Variants in MED13 observed in about 807,000 individuals in gnomAD.
MED13 encodes the protein mediator complex subunit 13.
Under a neutral mutation model 225.2 loss-of-function variants are expected in MED13, and 23 were observed. The ratio of observed to expected loss-of-function variants is 0.10; its 90% CI spans 0.07 to 0.14. MED13 has a LOEUF of 0.14. Ranked by LOEUF, MED13 falls within the 10% of genes least tolerant of loss-of-function variation. The probability of loss-of-function intolerance (pLI) is 1.00; values close to 1 mark genes in which losing one functional copy is unlikely to be tolerated. For missense variants in MED13, 2,197 were observed against 2,594.5 expected (o/e 0.85, Z 3.33); for synonymous variants, 942 against 889.2 (o/e 1.06, Z -1.06).
intron 26 of MED13, among the ~76,000 whole-genome samples, chr17:61,955,027 T>C (rs1430193874): frequency 6.6e-6 from 1 of 152,210 alleles, no homozygotes; most frequent in African/African-American, 2.4e-5. Flanking sequence ...TCCTTGTCTT[T>C]TTCAGAGTCT....
chr17:61,972,067 G>A (rs542911756), intron 17 of MED13, among the ~76,000 whole-genome samples: 1 of 152,070 alleles, frequency 6.6e-6, no homozygotes, highest in Non-Finnish European at 1.5e-5. Context: ...GGAAAATATA[G>A]GCAAATCTAC....
At chr17:61,981,008 G>C (rs527825737) in intron 16 of MED13, among the ~76,000 whole-genome samples, 1 of 149,356 alleles carries the variant, frequency 6.7e-6, no homozygotes, top group African/African-American at 2.5e-5. Flanking sequence ...AGACGCATGA[G>C]CCACCGCACC....
At chr17:61,950,780 C>T (rs771713911) in intron 28 of MED13, 45 bp downstream of exon 28, 20 of 1,561,424 alleles carry the variant, frequency 1.3e-5, no homozygotes, top group Non-Finnish European at 1.7e-5. Flanking sequence ...AGGACTTAGG[C>T]TGTCAATCAG....
chr17:61,972,581 G>A, intron 17 of MED13, 146 bp downstream of exon 17: 1 of 720,272 alleles, frequency 1.4e-6, no homozygotes, highest in Non-Finnish European at 2.2e-6. Context: ...GAAATGGTGG[G>A]AAAAAAAGCT....
At chr17:62,057,116 G>T (rs1233549626) in intron 2 of MED13, among the ~76,000 whole-genome samples, 1 of 152,044 alleles carries the variant, frequency 6.6e-6, no homozygotes, top group Non-Finnish European at 1.5e-5. Flanking sequence ...GGTAAAAAAT[G>T]AATCTTCTCC....
rs370192474 is a variant in MED13 at position 61,984,864 on chromosome 17, G to A, written c.2478C>T (p.Ser826=). ...TGNLDPLSCI[S]TADLHKMYPT... ...GATACATTTTATGAAGATCTGCAGT[G>A]CCTATATTTAATAAAAACATACATT... The change falls in exon 14 of 30, where the codon AGC becomes AGT. Residue 826 remains serine (S), a splice_region_variant and synonymous_variant. Transcript: ENST00000397786. 3.1e-6 allele frequency: 5 copies of A among 1,602,630 alleles called. No individual in the cohort carries two copies. The highest frequency in any genetic ancestry group is 1.7e-5 in the Admixed American group (1 of 58,190).
rs765499497 is a variant in MED13 at position 61,985,036 on chromosome 17, A to C, written c.2440T>G (p.Ser814Ala). 6.2e-7 allele frequency: 1 copy of C among 1,614,046 alleles called. No individual in the cohort carries two copies. The highest frequency in any genetic ancestry group is 2.2e-5 in the East Asian group (1 of 44,852). The part of the protein sequence containing the change: ...GSDDKASCKE[S>A]KTGNLDPLSC... Reference sequence around the variant, plus strand: ...AACGGGTCCAGATTTCCTGTCTTTGATTCCTTGCAGCTGGCTTTATCATCT... The same window carrying C: ...AACGGGTCCAGATTTCCTGTCTTTGCTTCCTTGCAGCTGGCTTTATCATCT... Residue 814 changes from serine (S) to alanine (A), a missense_variant, in exon 13 of 30, where the codon TCA becomes GCA. Around this residue, in one of 12 missense-constraint regions of MED13, gnomAD observed 41 missense variants for 55.8 expected, o/e 0.73. Coordinates refer to ENST00000397786, the MANE Select transcript of MED13 (RefSeq NM_005121.3).
rs1452173395 is a variant in MED13, at chr17:61,966,795, T to TAGA, written c.4192-147_4192-145dup. 1.2e-5 allele frequency: 6 copies of TAGA among 510,950 alleles called. No homozygotes were observed. The East Asian group carries it at 2.0e-4, about 17-fold the overall frequency. 31.7% of individuals were successfully genotyped at this position (510,950 alleles called of 1,614,324 possible). ...ATGATAAAAATATCAAGGGTGTTTT[T>TAGA]AGAAGTAGGCCAAAAAAATAAACAT... On this transcript the variant is annotated intron_variant, in intron 18 of 29. Transcript: ENST00000397786.
At chr17:61,982,172 A>C (rs374444063) in intron 16 of MED13, 26 bp downstream of exon 16, 2 of 1,566,686 alleles carry the variant, frequency 1.3e-6, no homozygotes, top group African/African-American at 2.7e-5. Context: ...AAGCAAACAA[A>C]AAAGTATTTT....
In MED13 at chr17:62,049,078, C is replaced by CAAAAAAAAAAA. The variant is rs890393330; in HGVS notation, c.470+3448_470+3458dup. 5.6e-3 allele frequency among the ~76,000 whole-genome samples: 255 copies of CAAAAAAAAAAA among 45,194 alleles called. 4 individuals are homozygous for CAAAAAAAAAAA. Among genetic ancestry groups the CAAAAAAAAAAA allele is most frequent in the South Asian group, 0.015 (19 of 1,232 alleles). The allele number at this position is 45,194 out of a possible 152,430, so 29.6% of individuals were successfully genotyped here. A position where few individuals can be genotyped will look rare whatever the true frequency, so the allele number is the denominator to read the frequency against. On this transcript the variant is annotated intron_variant, in intron 3 of 29. Transcript: ENST00000397786. Reference sequence around the variant, plus strand: ...GGCACCACCATAACAGTAAATAAGACAAAAAAAAAAAAAAAAAGGAGAAAT... The same window carrying CAAAAAAAAAAA: ...GGCACCACCATAACAGTAAATAAGACAAAAAAAAAAAAAAAAAAAAAAAAAAAAGGAGAAAT...
Position 62,031,424 on chromosome 17 carries a change from G to A in MED13, c.1009+20C>T, listed in dbSNP as rs1416231600. ...AAAATAACAAATTACCAGAGCTGATGAGACAAATTACTGCTATACCTGTTT... is the reference window on the plus strand; with the variant it reads ...AAAATAACAAATTACCAGAGCTGATAAGACAAATTACTGCTATACCTGTTT... On this transcript the variant is annotated intron_variant, in intron 6 of 29. Coordinates refer to ENST00000397786, the MANE Select transcript of MED13 (RefSeq NM_005121.3). 2.6e-6 allele frequency: 4 copies of A among 1,533,832 alleles called. No homozygotes were observed. Among genetic ancestry groups the A allele is most frequent in the Admixed American group, 4.0e-5 (2 of 49,568 alleles).
chr17:62,016,086 G>A (rs1479240422), intron 8 of MED13, among the ~76,000 whole-genome samples: 2 of 139,688 alleles, frequency 1.4e-5, no homozygotes, highest in African/African-American at 2.7e-5. Flanking sequence ...TTACAGGCAT[G>A]AGCCACTCAC....
chr17:62,046,022 A>C (rs1262810557), intron 3 of MED13, among the ~76,000 whole-genome samples: 1 of 152,254 alleles, frequency 6.6e-6, no homozygotes, highest in Non-Finnish European at 1.5e-5. Context: ...AAGTAGTTTC[A>C]CATCATAAAT....
At position 62,063,239 on chromosome 17, in the gene MED13, A is replaced by T; in HGVS notation, c.129T>A (p.Ile43=). 1 of 1,614,176 alleles carries T rather than the reference A, an allele frequency of 6.2e-7. No homozygotes were observed. The highest frequency in any genetic ancestry group is 1.1e-5 in the South Asian group (1 of 91,090). The change falls in exon 2 of 30, where the codon ATT becomes ATA. Residue 43 remains isoleucine, a synonymous_variant. Transcript: ENST00000397786. Reference sequence around the variant, plus strand: ...GGTCTTCTTCTGTCACAGGAAACAGAATAGGGGCAGAAGTTGGGCCTTGCC... The same window carrying T: ...GGTCTTCTTCTGTCACAGGAAACAGTATAGGGGCAGAAGTTGGGCCTTGCC... ...YVWQGPTSAP[I]LFPVTEEDPI...
intron 11 of MED13, among the ~76,000 whole-genome samples, chr17:61,990,265 G>C (rs1044380825): frequency 6.6e-6 from 1 of 151,972 alleles, no homozygotes; most frequent in Non-Finnish European, 1.5e-5. Context: ...TAAACAGCTT[G>C]ATCTACCCAT....
Position 61,953,019 on chromosome 17 carries a change from A to C in MED13, c.6063T>G (p.Gly2021=), listed in dbSNP as rs764937232. The stretch of plus-strand genomic sequence containing the variant: ...GAGATCCTGGAGAATGTACAGGAGA[A>C]CCAGTTGGAGAAGCAGGAAGGATAT... ...IINILPASPT[G]SPVHSPGSHY... is the part of the protein sequence containing the mutation. Residue 2021 remains glycine (G), a synonymous_variant, in exon 27 of 30, where the codon GGT becomes GGG. Coordinates refer to ENST00000397786, the MANE Select transcript of MED13 (RefSeq NM_005121.3). 8.7e-6 allele frequency: 14 copies of C among 1,613,896 alleles called. No homozygotes were observed. The Middle Eastern group carries it at 4.9e-4, about 57-fold the overall frequency.
intron 28 of MED13, 73 bp from the exon 29 acceptor site, chr17:61,947,090 C>T (rs998844739): frequency 9.2e-5 from 89 of 971,990 alleles, no homozygotes; most frequent in Non-Finnish European, 1.4e-4. Flanking sequence ...ACCTTATTCT[C>T]CCAATATATC....
Position 62,015,915 on chromosome 17 carries a change from CATATATATAT to C in MED13, c.1284-4692_1284-4683del. 7.9e-3 allele frequency among the ~76,000 whole-genome samples: 68 copies of C among 8,604 alleles called. 4 individuals carry two copies. Among genetic ancestry groups the C allele is most frequent in the South Asian group, 0.026 (4 of 152 alleles). 5.6% of individuals were successfully genotyped at this position (8,604 alleles called of 152,430 possible). Reference sequence around the variant, plus strand: ...CACACACACACATACACACTATACACATATATATATATATATATATATATATATATATATA... The same window carrying C: ...CACACACACACATACACACTATACACATATATATATATATATATATATATA... On this transcript the variant is annotated intron_variant, in intron 8 of 29. Coordinates refer to ENST00000397786, the MANE Select transcript of MED13 (RefSeq NM_005121.3).
chr17:61,956,440 T>C lies in MED13; in HGVS notation c.5522A>G (p.Gln1841Arg). 1 of 1,613,214 alleles carries C rather than the reference T, an allele frequency of 6.2e-7. No homozygotes were observed. Among genetic ancestry groups the C allele is most frequent in the South Asian group, 1.1e-5 (1 of 90,838 alleles). ...KKSSARKFGL[Q>R]KLWEWCLGLV... is the part of the protein sequence containing the mutation. ...TCCTAAGCACCACTCCCAAAGTTTCTGTAGACCAAATTTTCTAGCAGAACT... is the reference window on the plus strand; with the variant it reads ...TCCTAAGCACCACTCCCAAAGTTTCCGTAGACCAAATTTTCTAGCAGAACT... Residue 1841 changes from glutamine to arginine, a missense_variant, in exon 24 of 30, where the codon CAG (glutamine) becomes CGG (arginine). Coordinates refer to ENST00000397786, the MANE Select transcript of MED13 (RefSeq NM_005121.3).
Sources: gnomAD v4.1 joint callset for allele counts (sites outside exome capture counted in the v4.1 genomes callset) on GRCh38, gnomAD v4.1.1 for gene constraint, gnomAD v4.1.1 regional missense constraint, MANE v1.5 for transcripts, NCBI Gene and HGNC (gene_info 2026-07-23, HGNC 2026-07-21) for gene names.